Variants in SPTBN4 observed in about 807,000 individuals in gnomAD.
SPTBN4 encodes spectrin beta chain, non-erythrocytic 4.
Under a neutral mutation model 277.8 loss-of-function variants are expected in SPTBN4, and 96 were observed. That is an observed-to-expected ratio of 0.35 (90% CI 0.29 to 0.41). The LOEUF (loss-of-function observed/expected upper bound fraction) is 0.41. SPTBN4 is among the 10% of genes least tolerant of loss of function. SPTBN4 has a pLI of 1.00. For synonymous variants in SPTBN4, 1,481 were observed against 1,580.3 expected (o/e 0.94, Z 1.49); for missense variants, 3,006 against 3,595.7 (o/e 0.84, Z 4.19).
rs1283888234 is a variant in SPTBN4, at chr19:40,549,170, C to A, written c.4360-19C>A. 1.3e-6 allele frequency: 2 copies of A among 1,530,378 alleles called. No individual in the cohort carries two copies. Among genetic ancestry groups the A allele is most frequent in the African/African-American group, 2.8e-5 (2 of 72,106 alleles). The allele number at this position is 1,530,378 out of a possible 1,614,324, so 94.8% of individuals were successfully genotyped here. A position where few individuals can be genotyped will look rare whatever the true frequency, so the allele number is the denominator to read the frequency against. ...AGGAGGGCGGGTGGGGCCCATTGAC[C>A]CTGCCTCTGTCCCCACAGTCCATGG... On this transcript the variant is annotated intron_variant, in intron 20 of 35. Coordinates refer to ENST00000598249, the MANE Select transcript of SPTBN4 (RefSeq NM_020971.3).
intron 18 of SPTBN4, among the ~76,000 whole-genome samples, chr19:40,532,226 A>G (rs1467341421): frequency 6.7e-6 from 1 of 149,318 alleles, no homozygotes; most frequent in African/African-American, 2.5e-5. Context: ...AAGTGTTGCT[A>G]TGGGAGGGGT....
At chr19:40,506,864 A>G (rs906291051) in intron 13 of SPTBN4, among the ~76,000 whole-genome samples, 1 of 152,184 alleles carries the variant, frequency 6.6e-6, no homozygotes, top group Admixed American at 6.5e-5. Flanking sequence ...ACAAGCCTGT[A>G]GTGCCAGCTA....
At chr19:40,559,487 C>T (rs553186823) in intron 26 of SPTBN4, among the ~76,000 whole-genome samples, 3 of 152,092 alleles carry the variant, frequency 2.0e-5, no homozygotes, top group African/African-American at 7.2e-5. Context: ...ATCTCTATTA[C>T]AACATATATG....
rs1555810980 is a variant in SPTBN4, at chr19:40,489,228, A to AG, written c.322-847_322-846insG. On this transcript the variant is annotated intron_variant, in intron 3 of 35. Coordinates refer to ENST00000598249, the MANE Select transcript of SPTBN4 (RefSeq NM_020971.3). ...CAACAACAAAAGCCAAAAAAAAAAA[A>AG]AAAGAAAGAAAAAAAAGAATAGATA... 4.3e-3 allele frequency among the ~76,000 whole-genome samples: 609 copies of AG among 141,682 alleles called. 14 individuals carry two copies. The highest frequency in any genetic ancestry group is 0.016 in the African/African-American group (574 of 35,940). 92.9% of individuals were successfully genotyped at this position (141,682 alleles called of 152,430 possible). A position where few individuals can be genotyped will look rare whatever the true frequency, so the allele number is the denominator to read the frequency against.
intron 24 of SPTBN4, 57 bp from the exon 25 acceptor site, chr19:40,556,026 CA>C: frequency 2.0e-6 from 3 of 1,496,764 alleles, no homozygotes; most frequent in Non-Finnish European, 2.7e-6. Flanking sequence ...TTAGGGGGGT[CA>C]CGCTCTGCCC....
At chr19:40,474,975 C>A (rs1295680717) in intron 2 of SPTBN4, among the ~76,000 whole-genome samples, 1 of 151,764 alleles carries the variant, frequency 6.6e-6, no homozygotes, top group East Asian at 1.9e-4. Flanking sequence ...GCTAAAATAA[C>A]CCTCCCACCT....
chr19:40,557,209 C>A lies in SPTBN4; in HGVS notation c.5476C>A (p.Arg1826=), dbSNP rs774593051. Reference sequence around the variant, plus strand: ...TGAGCTGCTGGAGCTCATGGGCACACGGGCCCAGCTGCTGGCCGCCTCTCG... The same window carrying A: ...TGAGCTGCTGGAGCTCATGGGCACAAGGGCCCAGCTGCTGGCCGCCTCTCG... ...WAELLELMGT[R]AQLLAASREL... Residue 1826 remains arginine, a synonymous_variant, in exon 26 of 36, where the codon CGG becomes AGG. Transcript: ENST00000598249. 6.2e-7 allele frequency: 1 copy of A among 1,610,444 alleles called. No individual in the cohort carries two copies. The highest frequency in any genetic ancestry group is 1.3e-5 in the African/African-American group (1 of 74,868).
At chr19:40,488,837 CT>C (rs989944405) in intron 3 of SPTBN4, among the ~76,000 whole-genome samples, 2 of 150,762 alleles carry the variant, frequency 1.3e-5, no homozygotes, top group African/African-American at 2.4e-5. Flanking sequence ...TTTTTTTATT[CT>C]TTTAAATAGA....
Position 40,559,896 on chromosome 19 carries a change from G to A in SPTBN4, c.5671-263G>A, listed in dbSNP as rs546901084. Among the ~76,000 whole-genome samples the A allele has an allele frequency of 7.2e-5, 11 of 152,368 alleles. No homozygotes were observed. The South Asian group carries it at 2.1e-3, about 29-fold the overall frequency. On this transcript the variant is annotated intron_variant, in intron 26 of 35. Transcript: ENST00000598249. Reference sequence around the variant, plus strand: ...GGGGTGGGCCTGCCTGAAAACACAGGTGGCAGACCCAATAGAAATAAAGCT... The same window carrying A: ...GGGGTGGGCCTGCCTGAAAACACAGATGGCAGACCCAATAGAAATAAAGCT...
At chr19:40,524,527 T>A (rs2080567430) in intron 17 of SPTBN4, 1 of 451,250 alleles carries the variant, frequency 2.2e-6, no homozygotes, top group Non-Finnish European at 4.5e-6. Context: ...AAAAAATGTG[T>A]TAACTTACTT....
Position 40,467,087 on chromosome 19 carries a change from C to T in SPTBN4, c.-234C>T, listed in dbSNP as rs999373103. ...GCCTCGGGCGGCGGGGCGCGGGGAC[C>T]GCGGGCGGGAGGGGGTCCCGGGGGC... On this transcript the variant is annotated 5_prime_UTR_variant, in exon 1 of 36. Coordinates refer to ENST00000598249, the MANE Select transcript of SPTBN4 (RefSeq NM_020971.3). The T allele has an allele frequency of 6.7e-6, 1 of 150,252 alleles. No homozygotes were observed. The highest frequency in any genetic ancestry group is 6.7e-5 in the Admixed American group (1 of 15,028). The allele number at this position is 150,252 out of a possible 1,614,324, so 9.3% of individuals were successfully genotyped here.
In SPTBN4 at chr19:40,502,180, T is replaced by C; in HGVS notation, c.950T>C (p.Leu317Pro). The C allele has an allele frequency of 1.2e-6, 2 of 1,614,130 alleles. No individual in the cohort carries two copies. Among genetic ancestry groups the C allele is most frequent in the Non-Finnish European group, 1.7e-6 (2 of 1,180,034 alleles). Residue 317 changes from leucine (L) to proline (P), a missense_variant, in exon 9 of 36, where the codon CTG (leucine) becomes CCG (proline). Leu to Pro is a moderately conservative substitution (Grantham distance 98, BLOSUM62 -3). This residue lies in a region of SPTBN4 where 1,759 missense variants were observed against 2,061.5 expected (regional missense o/e 0.85). Transcript: ENST00000598249. The surrounding 1 kb of genome is among the most constrained non-coding windows in gnomAD (Gnocchi z 4.9). ...AAGATCATAGAACGCTACGAGGAGCTGGCGGCTGAGCTGCTGGCCTGGATC... is the reference window on the plus strand; with the variant it reads ...AAGATCATAGAACGCTACGAGGAGCCGGCGGCTGAGCTGCTGGCCTGGATC... ...VGKIIERYEE[L>P]AAELLAWIHR...
In SPTBN4 at chr19:40,567,732, G is replaced by A; in HGVS notation, c.6406G>A (p.Asp2136Asn). The change falls in exon 31 of 36, where the codon GAC becomes AAC. Residue 2136 changes from aspartate (D) to asparagine (N), a missense_variant. Physicochemically the swap from Asp to Asn is conservative, Grantham distance 23. Transcript: ENST00000598249. ...TPLLGRKFFG[D>N]PTELAAKAAP... ...ACTGCTGGGGCGCAAGTTCTTTGGG[G>A]ACCCCACGGAACTGGCGGCCAAGGC... The A allele has an allele frequency of 1.3e-6, 2 of 1,558,486 alleles. No individual in the cohort carries two copies. Among genetic ancestry groups the A allele is most frequent in the Non-Finnish European group, 1.7e-6 (2 of 1,153,494 alleles).
intron 22 of SPTBN4, among the ~76,000 whole-genome samples, chr19:40,551,476 A>C (rs147969638): frequency 6.6e-6 from 1 of 152,294 alleles, no homozygotes; most frequent in African/African-American, 2.4e-5. Context: ...AGAGATAATC[A>C]GCAAGAGGAT....
intron 31 of SPTBN4, among the ~76,000 whole-genome samples, chr19:40,569,143 C>T (rs185612722): frequency 6.6e-6 from 1 of 152,248 alleles, no homozygotes; most frequent in East Asian, 1.9e-4. Flanking sequence ...TTCAAAGGGG[C>T]ATCTGGGCGC....
chr19:40,519,130 C>G lies in SPTBN4; in HGVS notation c.2904-271C>G, dbSNP rs1444547373. Among the ~76,000 whole-genome samples, 1 of 152,150 alleles carries G rather than the reference C, an allele frequency of 6.6e-6. No homozygotes were observed. Among genetic ancestry groups the G allele is most frequent in the Non-Finnish European group, 1.5e-5 (1 of 68,032 alleles). On this transcript the variant is annotated intron_variant, in intron 15 of 35. Transcript: ENST00000598249. The surrounding 1 kb of genome is among the most constrained non-coding windows in gnomAD (Gnocchi z 5.7). ...CCTCTGGAAAACTCCACTGAACACTCGGGAAAGAATGAGAGTGAAAAAGCA... is the reference window on the plus strand; with the variant it reads ...CCTCTGGAAAACTCCACTGAACACTGGGGAAAGAATGAGAGTGAAAAAGCA...
chr19:40,470,866 C>CAA (rs1183442937), intron 1 of SPTBN4, among the ~76,000 whole-genome samples: 1 of 143,318 alleles, frequency 7.0e-6, no homozygotes, highest in African/African-American at 2.6e-5. Flanking sequence ...CTCCTCACCT[C>CAA]GTGATCCGCC....
chr19:40,543,720 C>T (rs907994292), intron 20 of SPTBN4, among the ~76,000 whole-genome samples: 4 of 152,098 alleles, frequency 2.6e-5, no homozygotes, highest in East Asian at 1.9e-4. Flanking sequence ...TTTTACTAAC[C>T]GAGCAGTCTT....
At chr19:40,552,970 T>A (rs2080935284) in intron 22 of SPTBN4, among the ~76,000 whole-genome samples, 1 of 152,196 alleles carries the variant, frequency 6.6e-6, no homozygotes, top group Non-Finnish European at 1.5e-5. Context: ...TATCACCTTA[T>A]AACAACCCCG....
Sources: gnomAD v4.1 joint callset for allele counts (sites outside exome capture counted in the v4.1 genomes callset) on GRCh38, gnomAD v4.1.1 for gene constraint, gnomAD v4.1.1 regional missense constraint, Gnocchi (gnomAD v3.1) non-coding constraint, MANE v1.5 for transcripts, NCBI Gene and HGNC (gene_info 2026-07-23, HGNC 2026-07-21) for gene names.